Variants in CYRIA observed in about 807,000 individuals in gnomAD.
CYRIA encodes CYFIP related Rac1 interactor A.
Under a neutral mutation model 43.9 loss-of-function variants are expected in CYRIA, and 15 were observed. The observed-to-expected ratio is 0.34, with a 90% CI of 0.23 to 0.53. The LOEUF (loss-of-function observed/expected upper bound fraction) is 0.53. Ranked by LOEUF, CYRIA falls within the 20% of genes least tolerant of loss-of-function variation. The pLI is 0.94. For missense variants in CYRIA, 236 were observed against 394.2 expected (o/e 0.60, Z 3.40); for synonymous variants, 117 against 136.0 (o/e 0.86, Z 0.97).
intron 6 of CYRIA, 114 bp downstream of exon 6, chr2:16,561,891 A>G (rs1666748488): frequency 4.1e-6 from 4 of 974,762 alleles, no homozygotes; most frequent in Non-Finnish European, 3.1e-6. Context: ...CTAGGGAAGG[A>G]ATTACATCTT....
At chr2:16,621,156 A>C (rs1279702087) in intron 2 of CYRIA, among the ~76,000 whole-genome samples, 1 of 152,168 alleles carries the variant, frequency 6.6e-6, no homozygotes, top group Admixed American at 6.5e-5. Context: ...TAGAAGAGGC[A>C]CTCATATATC....
At chr2:16,658,509 G>C (rs1459101699) in intron 1 of CYRIA, among the ~76,000 whole-genome samples, 3 of 152,150 alleles carry the variant, frequency 2.0e-5, no homozygotes, top group Non-Finnish European at 1.5e-5. Flanking sequence ...CCCAAGGAAA[G>C]GGCCAAGATT....
chr2:16,572,225 G>C (rs1667154171), intron 3 of CYRIA, among the ~76,000 whole-genome samples: 1 of 152,142 alleles, frequency 6.6e-6, no homozygotes, highest in Non-Finnish European at 1.5e-5. Context: ...CTTGTTAAAA[G>C]AGAGGGAAGC....
intron 3 of CYRIA, among the ~76,000 whole-genome samples, chr2:16,566,201 C>T (rs1425256217): frequency 6.6e-6 from 1 of 152,096 alleles, no homozygotes; most frequent in Non-Finnish European, 1.5e-5. Context: ...CCATCTTAGC[C>T]ACTTTTAAGT....
chr2:16,612,697 C>G (rs945261323), intron 2 of CYRIA, among the ~76,000 whole-genome samples: 1 of 152,178 alleles, frequency 6.6e-6, no homozygotes, highest in African/African-American at 2.4e-5. Flanking sequence ...GGAGGCTGAG[C>G]TGCGTGAGAA....
chr2:16,634,903 G>A (rs75989967), intron 1 of CYRIA, among the ~76,000 whole-genome samples: 1,655 of 152,276 alleles, frequency 0.011, 14 homozygotes, highest in Non-Finnish European at 0.018. Context: ...TTTGGCTTTC[G>A]TTTATCCCAG....
chr2:16,643,959 C>G (rs1239302838), intron 1 of CYRIA, among the ~76,000 whole-genome samples: 2 of 152,236 alleles, frequency 1.3e-5, no homozygotes, highest in Non-Finnish European at 2.9e-5. Context: ...TATCTGATGA[C>G]TGAAGATCAA....
chr2:16,646,817 A>G (rs1669833048), intron 1 of CYRIA, among the ~76,000 whole-genome samples: 1 of 148,174 alleles, frequency 6.7e-6, no homozygotes, highest in East Asian at 1.9e-4. Context: ...ACAAAAGGTG[A>G]ATTAAAGGGG....
intron 1 of CYRIA, among the ~76,000 whole-genome samples, chr2:16,631,488 G>T (rs1401602082): frequency 6.6e-6 from 1 of 152,234 alleles, no homozygotes; most frequent in Non-Finnish European, 1.5e-5. Flanking sequence ...TGGATGGTAA[G>T]CTGATATCCC....
At chr2:16,578,243 C>T (rs1164413858) in intron 3 of CYRIA, among the ~76,000 whole-genome samples, 1 of 152,170 alleles carries the variant, frequency 6.6e-6, no homozygotes, top group Non-Finnish European at 1.5e-5. Context: ...ATGGACTCAA[C>T]CCCACTAGTG....
At position 16,599,817 on chromosome 2, in the gene CYRIA, C is replaced by T. The variant is rs183132288; in HGVS notation, c.-10-11688G>A. On this transcript the variant is annotated intron_variant, in intron 2 of 11. Coordinates refer to ENST00000381323, the MANE Select transcript of CYRIA (RefSeq NM_030797.4). ...TGTTGCCCAGGCTGGAGTGCAGTAG[C>T]GCAATCTCAGCTCACTGCAACCTCT... is the stretch of plus-strand genomic sequence containing the variant. Among the ~76,000 whole-genome samples, 299 of 152,244 alleles carry T rather than the reference C, an allele frequency of 2.0e-3. 4 individuals carry two copies. The highest frequency in any genetic ancestry group is 6.4e-3 in the East Asian group (33 of 5,160).
intron 1 of CYRIA, among the ~76,000 whole-genome samples, chr2:16,653,754 T>C (rs556790402): frequency 1.3e-5 from 2 of 152,290 alleles, no homozygotes; most frequent in South Asian, 4.1e-4. Flanking sequence ...GGAAGGTTTA[T>C]GGCGAATGTT....
chr2:16,660,285 TA>T (rs1293305694), intron 1 of CYRIA, among the ~76,000 whole-genome samples: 3 of 152,166 alleles, frequency 2.0e-5, no homozygotes, highest in Non-Finnish European at 4.4e-5. Context: ...TACGAGGAAG[TA>T]AGGACTGCAG....
Position 16,560,507 on chromosome 2 carries a change from C to T in CYRIA, c.710+483G>A, listed in dbSNP as rs539612984. 17 of 167,470 alleles carry T rather than the reference C, an allele frequency of 1.0e-4. No individual in the cohort carries two copies. In the Middle Eastern group the frequency reaches 0.016, roughly 155 times the overall value. The allele number at this position is 167,470 out of a possible 1,614,324, so 10.4% of individuals were successfully genotyped here. Reference sequence around the variant, plus strand: ...AGCACAGATTACCATGCTGCTTCATCCTCAATATTCTCAATCATTTTTAAA... The same window carrying T: ...AGCACAGATTACCATGCTGCTTCATTCTCAATATTCTCAATCATTTTTAAA... On this transcript the variant is annotated intron_variant, in intron 9 of 11. Coordinates refer to ENST00000381323, the MANE Select transcript of CYRIA (RefSeq NM_030797.4).
In CYRIA at chr2:16,551,870, A is replaced by C. The variant is rs1052752258; in HGVS notation, c.*1066T>G. The C allele has an allele frequency of 6.6e-6, 1 of 152,112 alleles. No homozygotes were observed. The highest frequency in any genetic ancestry group is 2.4e-5 in the African/African-American group (1 of 41,420). 9.4% of individuals were successfully genotyped at this position (152,112 alleles called of 1,614,324 possible). Reference sequence around the variant, plus strand: ...TAAGGCCAGGAGTAAATTCAGGTGCACCAGGGCTTTTATATTGCAACAAGC... The same window carrying C: ...TAAGGCCAGGAGTAAATTCAGGTGCCCCAGGGCTTTTATATTGCAACAAGC... On this transcript the variant is annotated 3_prime_UTR_variant, in exon 12 of 12. Transcript: ENST00000381323.
At position 16,559,769 on chromosome 2, in the gene CYRIA, C is replaced by T. The variant is rs559643909; in HGVS notation, c.711-183G>A. ...ATAATTCTCCTTGAATCTATTCAAC[C>T]AGCAATTCAGTGTGAAAATGAAGTA... On this transcript the variant is annotated intron_variant, in intron 9 of 11. Coordinates refer to ENST00000381323, the MANE Select transcript of CYRIA (RefSeq NM_030797.4). Among the ~76,000 whole-genome samples the T allele has an allele frequency of 7.2e-5, 11 of 152,250 alleles. No individual in the cohort carries two copies. In the East Asian group the frequency reaches 2.1e-3, roughly 29 times the overall value.
intron 3 of CYRIA, among the ~76,000 whole-genome samples, chr2:16,576,204 G>A (rs954800572): frequency 2.6e-5 from 4 of 152,180 alleles, no homozygotes; most frequent in Admixed American, 2.6e-4. Flanking sequence ...GTGAGGACAG[G>A]ATCATTAGAT....
rs974338645 is a variant in CYRIA, at chr2:16,623,957, A to T, written c.-104T>A. The T allele has an allele frequency of 2.0e-5, 3 of 152,230 alleles. No homozygotes were observed. Among genetic ancestry groups the T allele is most frequent in the African/African-American group, 7.2e-5 (3 of 41,450 alleles). 9.4% of individuals were successfully genotyped at this position (152,230 alleles called of 1,614,324 possible). On this transcript the variant is annotated 5_prime_UTR_variant, in exon 2 of 12. Transcript: ENST00000381323. ...CTGGCCAAAGTAAGTTGGACTTCCC[A>T]AATCAGGACGGTGGCCTCCTAGAGT... is the stretch of plus-strand genomic sequence containing the variant.
At chr2:16,572,090 T>C (rs1411605826) in intron 3 of CYRIA, among the ~76,000 whole-genome samples, 1 of 152,150 alleles carries the variant, frequency 6.6e-6, no homozygotes, top group Non-Finnish European at 1.5e-5. Flanking sequence ...GTCTATTTTC[T>C]TCACATGCAG....
Sources: gnomAD v4.1 joint callset for allele counts (sites outside exome capture counted in the v4.1 genomes callset) on GRCh38, gnomAD v4.1.1 for gene constraint, MANE v1.5 for transcripts, NCBI Gene and HGNC (gene_info 2026-07-23, HGNC 2026-07-21) for gene names.